SCFD1: variants seen among roughly 807,000 people sequenced by gnomAD.
SCFD1 encodes the protein sec1 family domain containing 1.
Under a neutral mutation model 103.2 loss-of-function variants are expected in SCFD1, and 37 were observed. The observed-to-expected ratio is 0.36, with a 90% CI of 0.28 to 0.47. The LOEUF (loss-of-function observed/expected upper bound fraction) is 0.47, where lower values mean the gene tolerates loss of function less well. SCFD1 is among the 20% of genes least tolerant of loss of function. The probability of loss-of-function intolerance (pLI) is 1.00; values close to 1 mark genes in which losing one functional copy is unlikely to be tolerated. For synonymous variants in SCFD1, 264 were observed against 245.0 expected, an observed-to-expected ratio of 1.08 and a Z score of -0.73; for missense variants, 639 against 761.2, an observed-to-expected ratio of 0.84 and a Z score of 1.89.
chr14:30,645,603 G>A (rs535470453), intron 7 of SCFD1, among the ~76,000 whole-genome samples: 2 of 152,214 alleles, frequency 1.3e-5, no homozygotes, highest in East Asian at 3.9e-4. Context: ...GAATGGGATT[G>A]CATTTTTGAT....
chr14:30,720,299 T>G (rs1892565510), intron 21 of SCFD1, among the ~76,000 whole-genome samples: 1 of 152,172 alleles, frequency 6.6e-6, no homozygotes. Context: ...GATTGACTGC[T>G]AATGGGTACA....
At position 30,703,278 on chromosome 14, in the gene SCFD1, CT is replaced by C. The variant is rs756659879; in HGVS notation, c.1490+904del. Reference sequence around the variant, plus strand: ...GATTTTAACCTGCTGGGGGTGATAGCTAAATTTGCTTAGGAGATCAGGGAAA... The same window carrying C: ...GATTTTAACCTGCTGGGGGTGATAGCAAATTTGCTTAGGAGATCAGGGAAA... On this transcript the variant is annotated intron_variant, in intron 17 of 24. Transcript: ENST00000458591. Among the ~76,000 whole-genome samples, 4 of 148,004 alleles carry C rather than the reference CT, an allele frequency of 2.7e-5. No homozygotes were observed. In the Admixed American group the frequency reaches 2.8e-4, roughly 10 times the overall value.
chr14:30,680,872 A>G (rs755134990), intron 14 of SCFD1, among the ~76,000 whole-genome samples: 1 of 152,082 alleles, frequency 6.6e-6, no homozygotes, highest in South Asian at 2.1e-4. Context: ...TCTAATTTTT[A>G]TTATTTATTT....
At chr14:30,657,574 TG>T (rs1702721732) in intron 10 of SCFD1, among the ~76,000 whole-genome samples, 1 of 152,198 alleles carries the variant, frequency 6.6e-6, no homozygotes, top group African/African-American at 2.4e-5. Flanking sequence ...TTGAAGAGGT[TG>T]GTTATAATTA....
intron 19 of SCFD1, among the ~76,000 whole-genome samples, chr14:30,713,529 A>G (rs1221079353): frequency 6.6e-6 from 1 of 152,248 alleles, no homozygotes; most frequent in Non-Finnish European, 1.5e-5. Flanking sequence ...GCAGAACTAT[A>G]AAACACAAAG....
At chr14:30,649,639 C>A in intron 8 of SCFD1, 56 bp downstream of exon 8, 1 of 1,293,264 alleles carries the variant, frequency 7.7e-7, no homozygotes, top group Non-Finnish European at 1.1e-6. Flanking sequence ...ATTGTTTTCC[C>A]ACAAGTAACG....
At chr14:30,697,945 A>G (rs556467650) in intron 15 of SCFD1, among the ~76,000 whole-genome samples, 1 of 152,358 alleles carries the variant, frequency 6.6e-6, no homozygotes, top group African/African-American at 2.4e-5. Context: ...AACTTCAACT[A>G]GGATCTGAGA....
intron 19 of SCFD1, chr14:30,715,592 C>A: frequency 6.2e-6 from 1 of 160,382 alleles, no homozygotes; most frequent in Non-Finnish European, 1.3e-5. Flanking sequence ...AAACGGGATT[C>A]TTGTTTGATC....
At chr14:30,650,903 G>T (rs1183422146) in intron 9 of SCFD1, among the ~76,000 whole-genome samples, 1 of 151,980 alleles carries the variant, frequency 6.6e-6, no homozygotes, top group African/African-American at 2.4e-5. Context: ...GGCTTTGAAG[G>T]TCAGAAGCCA....
chr14:30,704,497 A>G (rs182913028), intron 17 of SCFD1, among the ~76,000 whole-genome samples: 1 of 152,292 alleles, frequency 6.6e-6, no homozygotes, highest in East Asian at 1.9e-4. Flanking sequence ...TTTGTTGTTT[A>G]GATATTGTTT....
intron 1 of SCFD1, among the ~76,000 whole-genome samples, chr14:30,623,965 A>T (rs1883120076): frequency 1.3e-5 from 2 of 152,186 alleles, no homozygotes; most frequent in Non-Finnish European, 2.9e-5. Flanking sequence ...ATGAGATAAT[A>T]GTTGGCATTT....
intron 11 of SCFD1, among the ~76,000 whole-genome samples, chr14:30,671,836 G>T (rs777508594): frequency 6.6e-6 from 1 of 151,886 alleles, no homozygotes; most frequent in African/African-American, 2.4e-5. Flanking sequence ...TCCAGCTTTC[G>T]TTGGTAAAGC....
At chr14:30,668,648 C>CA (rs1450057736) in intron 10 of SCFD1, among the ~76,000 whole-genome samples, 1 of 152,124 alleles carries the variant, frequency 6.6e-6, no homozygotes, top group Non-Finnish European at 1.5e-5. Flanking sequence ...ACAATCTACC[C>CA]ATCTGACAAA....
At chr14:30,735,250 C>A (rs1594785143) in intron 24 of SCFD1, among the ~76,000 whole-genome samples, 1 of 152,052 alleles carries the variant, frequency 6.6e-6, no homozygotes, top group Non-Finnish European at 1.5e-5. Context: ...GTTTACATTT[C>A]TTTACTATGA....
At chr14:30,622,692 G>A (rs1393318386) in intron 1 of SCFD1, among the ~76,000 whole-genome samples, 1 of 152,160 alleles carries the variant, frequency 6.6e-6, no homozygotes. Context: ...GCAGCTGATA[G>A]CTTCTTATCT....
At chr14:30,725,849 G>A (rs1311718142) in intron 23 of SCFD1, among the ~76,000 whole-genome samples, 2 of 152,122 alleles carry the variant, frequency 1.3e-5, no homozygotes, top group African/African-American at 4.8e-5. Flanking sequence ...GAAACCAAGG[G>A]AATATGACAG....
At chr14:30,714,435 T>G (rs977120427) in intron 19 of SCFD1, among the ~76,000 whole-genome samples, 1 of 151,994 alleles carries the variant, frequency 6.6e-6, no homozygotes, top group Non-Finnish European at 1.5e-5. Context: ...AGAAGTATAT[T>G]CAGACAGCTT....
chr14:30,708,801 C>T (rs144618488), intron 19 of SCFD1, among the ~76,000 whole-genome samples: 28 of 152,126 alleles, frequency 1.8e-4, no homozygotes, highest in African/African-American at 5.1e-4. Context: ...ACCTCGATTT[C>T]GCATTTTCTT....
At chr14:30,635,625 A>G (rs1566580549) in intron 4 of SCFD1, among the ~76,000 whole-genome samples, 1 of 152,052 alleles carries the variant, frequency 6.6e-6, no homozygotes. Flanking sequence ...ATTCCATTGT[A>G]TGGATGTACG....
Sources: allele counts gnomAD v4.1 joint callset (sites outside exome capture counted in the v4.1 genomes callset), GRCh38; gene constraint gnomAD v4.1.1; transcripts MANE v1.5; gene names NCBI Gene and HGNC (gene_info 2026-07-23, HGNC 2026-07-21).